FNIP1: variants seen among roughly 807,000 people sequenced by gnomAD.
FNIP1 encodes folliculin interacting protein 1, also known as folliculin-interacting protein 1.
Under a neutral mutation model 124.5 loss-of-function variants are expected in FNIP1, and 40 were observed. The ratio of observed to expected loss-of-function variants is 0.32; its 90% confidence interval spans 0.25 to 0.42. FNIP1 has a LOEUF of 0.42. Among genes scored for constraint, FNIP1 ranks in the 10% least tolerant of loss-of-function variants. The pLI is 1.00. For missense variants in FNIP1, 1,176 were observed against 1,403.7 expected (o/e 0.84, Z 2.59); for synonymous variants, 472 against 470.6 (o/e 1.00, Z -0.04).
At chr5:131,734,887 G>A (rs1770235237) in intron 2 of FNIP1, among the ~76,000 whole-genome samples, 2 of 152,172 alleles carry the variant, frequency 1.3e-5, no homozygotes, top group Admixed American at 1.3e-4. Flanking sequence ...CAACCATTGT[G>A]GAAGACAGTG....
intron 2 of FNIP1, among the ~76,000 whole-genome samples, chr5:131,743,594 TTA>T (rs1458950688): frequency 2.0e-5 from 3 of 152,046 alleles, no homozygotes; most frequent in East Asian, 1.9e-4. Flanking sequence ...TCCTCAAAAT[TTA>T]TATGTCGTCC....
At chr5:131,706,288 T>G in intron 9 of FNIP1, 123 bp downstream of exon 9, 3 of 1,104,208 alleles carry the variant, frequency 2.7e-6, no homozygotes, top group Non-Finnish European at 3.7e-6. Flanking sequence ...TGTAGTAAAT[T>G]TTAAAAGTTT....
chr5:131,749,206 T>A (rs1288501201), intron 1 of FNIP1, among the ~76,000 whole-genome samples: 2 of 152,074 alleles, frequency 1.3e-5, no homozygotes, highest in East Asian at 3.8e-4. Context: ...AAAACATTTT[T>A]AATAAATTTA....
At chr5:131,721,004 G>A (rs2149543558) in intron 3 of FNIP1, among the ~76,000 whole-genome samples, 1 of 152,206 alleles carries the variant, frequency 6.6e-6, no homozygotes, top group Admixed American at 6.5e-5. Flanking sequence ...ATTAAAATCA[G>A]GATCTCAAAG....
intron 15 of FNIP1, among the ~76,000 whole-genome samples, chr5:131,663,721 C>T (rs1767513468): frequency 6.6e-6 from 1 of 152,136 alleles, no homozygotes; most frequent in Non-Finnish European, 1.5e-5. Flanking sequence ...TAGGCAGGTC[C>T]CCTGGCTAGG....
chr5:131,748,690 C>T, intron 1 of FNIP1, among the ~76,000 whole-genome samples: 1 of 93,228 alleles, frequency 1.1e-5, no homozygotes, highest in African/African-American at 4.2e-5. Flanking sequence ...GAGTGAGACT[C>T]TGTCTCAAAA....
At position 131,672,124 on chromosome 5, in the gene FNIP1, C is replaced by G. The variant is rs576233368; in HGVS notation, c.2320G>C (p.Asp774His). 3 of 1,614,184 alleles carry G rather than the reference C, an allele frequency of 1.9e-6. No homozygotes were observed. Among genetic ancestry groups the G allele is most frequent in the African/African-American group, 1.3e-5 (1 of 75,038 alleles). Residue 774 changes from aspartate (D) to histidine (H), a missense_variant, in exon 14 of 18, where the codon GAT becomes CAT. Physicochemically the swap from Asp to His is moderately conservative, Grantham distance 81. Around this residue, in one of 2 missense-constraint regions of FNIP1, gnomAD observed 1,109 missense variants for 1,288.5 expected, o/e 0.86. Coordinates refer to ENST00000510461, the MANE Select transcript of FNIP1 (RefSeq NM_133372.3). ...TTGGTGTGATGTCTGGTAATCTGATCCACCACTGCCTGACTTCGAAGCTCA... is the reference window on the plus strand; with the variant it reads ...TTGGTGTGATGTCTGGTAATCTGATGCACCACTGCCTGACTTCGAAGCTCA... ...DTELRSQAVV[D>H]QITRHHTKPL...
intron 1 of FNIP1, among the ~76,000 whole-genome samples, chr5:131,772,325 T>C (rs1771662438): frequency 1.3e-5 from 2 of 151,650 alleles, no homozygotes; most frequent in South Asian, 2.1e-4. Flanking sequence ...GTGTTGGTTA[T>C]ATGACTATAC....
chr5:131,646,518 AC>A (rs1159657510), intron 17 of FNIP1, among the ~76,000 whole-genome samples: 1 of 152,204 alleles, frequency 6.6e-6, no homozygotes, highest in Admixed American at 6.5e-5. Flanking sequence ...ATTCATATGA[AC>A]CCACCTAAAG....
chr5:131,694,556 G>A lies in FNIP1; in HGVS notation c.1202+4361C>T, dbSNP rs555147506. Among the ~76,000 whole-genome samples the A allele has an allele frequency of 2.6e-5, 4 of 152,206 alleles. 1 individual carries two copies. In the South Asian group the frequency reaches 6.2e-4, roughly 24 times the overall value. On this transcript the variant is annotated intron_variant, in intron 11 of 17. Coordinates refer to ENST00000510461, the MANE Select transcript of FNIP1 (RefSeq NM_133372.3). Reference sequence around the variant, plus strand: ...TGGAATTGATAAAAATATAGAGAAAGTAAAGAGGTAAAGAGATCAGTGGTT... The same window carrying A: ...TGGAATTGATAAAAATATAGAGAAAATAAAGAGGTAAAGAGATCAGTGGTT...
chr5:131,774,665 C>T (rs1285401612), intron 1 of FNIP1, among the ~76,000 whole-genome samples: 1 of 152,188 alleles, frequency 6.6e-6, no homozygotes, highest in African/African-American at 2.4e-5. Flanking sequence ...CAAGGTTAGA[C>T]AGCTGCTGAA....
intron 1 of FNIP1, among the ~76,000 whole-genome samples, chr5:131,764,011 T>C (rs1771334757): frequency 6.6e-6 from 1 of 152,102 alleles, no homozygotes; most frequent in African/African-American, 2.4e-5. Flanking sequence ...TTTAGCACCA[T>C]CCCTTTGATG....
At chr5:131,693,339 T>TATATACATATATATATATATAC in intron 11 of FNIP1, among the ~76,000 whole-genome samples, 1 of 125,608 alleles carries the variant, frequency 8.0e-6, no homozygotes, top group African/African-American at 3.0e-5. Context: ...TATACATATA[T>TATATACATATATATATATATAC]ATATATATAT....
At chr5:131,677,283 C>T (rs1435110355) in intron 13 of FNIP1, among the ~76,000 whole-genome samples, 2 of 152,212 alleles carry the variant, frequency 1.3e-5, no homozygotes, top group Non-Finnish European at 1.5e-5. Flanking sequence ...CTGAGGGAAA[C>T]ATTTTCCAAA....
At chr5:131,735,588 GTATT>G (rs1329514590) in intron 2 of FNIP1, among the ~76,000 whole-genome samples, 7 of 146,918 alleles carry the variant, frequency 4.8e-5, no homozygotes, top group Non-Finnish European at 8.9e-5. Flanking sequence ...ACATATACAC[GTATT>G]TATATATGTA....
At chr5:131,782,026 C>T (rs751996433) in intron 1 of FNIP1, among the ~76,000 whole-genome samples, 2 of 151,986 alleles carry the variant, frequency 1.3e-5, no homozygotes, top group Non-Finnish European at 2.9e-5. Flanking sequence ...TCGTGGCAAA[C>T]ACCTATAGCA....
chr5:131,763,288 TACACAC>T lies in FNIP1; in HGVS notation c.93-18604_93-18599del, dbSNP rs34544569. On this transcript the variant is annotated intron_variant, in intron 1 of 17. Transcript: ENST00000510461. ...ATCTCACATACTTTGCAAATGCAAA[TACACAC>T]ACACACACACACACACACACACACA... 3.0e-3 allele frequency among the ~76,000 whole-genome samples: 448 copies of T among 148,452 alleles called. 3 individuals carry two copies. Among genetic ancestry groups the T allele is most frequent in the African/African-American group, 0.01 (402 of 39,882 alleles).
chr5:131,788,622 A>G (rs1467093658), intron 1 of FNIP1, among the ~76,000 whole-genome samples: 6 of 148,426 alleles, frequency 4.0e-5, no homozygotes, highest in Non-Finnish European at 5.9e-5. Flanking sequence ...AATTGCTTGA[A>G]CCCGGGAGGC....
intron 1 of FNIP1, among the ~76,000 whole-genome samples, chr5:131,773,622 A>G (rs1771713643): frequency 6.6e-6 from 1 of 152,240 alleles, no homozygotes; most frequent in Non-Finnish European, 1.5e-5. Flanking sequence ...AAATGTGTTT[A>G]TGCACATCAT....
Sources: allele counts gnomAD v4.1 joint callset (sites outside exome capture counted in the v4.1 genomes callset), GRCh38; gene constraint gnomAD v4.1.1; regional missense constraint gnomAD v4.1.1; transcripts MANE v1.5; gene names NCBI Gene and HGNC (gene_info 2026-07-23, HGNC 2026-07-21).